Variants in PPHLN1 observed in about 807,000 individuals in gnomAD.
PPHLN1 encodes the protein periphilin-1.
Under a neutral mutation model 51.3 loss-of-function variants are expected in PPHLN1, and 29 were observed. That is an observed-to-expected ratio of 0.57 (90% confidence interval 0.42 to 0.77). PPHLN1 has a LOEUF of 0.77. Ranked by LOEUF, PPHLN1 falls within the 30% of genes least tolerant of loss-of-function variation. The pLI, the probability that PPHLN1 is intolerant of heterozygous loss-of-function variation, is 0.00. For synonymous variants in PPHLN1, 147 were observed against 147.8 expected, an observed-to-expected ratio of 0.99 and a Z score of 0.04; for missense variants, 436 against 438.4, an observed-to-expected ratio of 0.99 and a Z score of 0.05.
chr12:42,347,751 G>T (rs1019007116), intron 2 of PPHLN1, among the ~76,000 whole-genome samples: 1 of 152,224 alleles, frequency 6.6e-6, no homozygotes, highest in African/African-American at 2.4e-5. Flanking sequence ...CCGCACTGTA[G>T]CCTGTGCCGC....
intron 7 of PPHLN1, among the ~76,000 whole-genome samples, chr12:42,392,316 G>A (rs1056784336): frequency 6.6e-6 from 1 of 152,022 alleles, no homozygotes; most frequent in Admixed American, 6.6e-5. Context: ...TTTATGAGTT[G>A]GGATAATAAA....
At chr12:42,362,842 C>G (rs1192176071) in intron 4 of PPHLN1, among the ~76,000 whole-genome samples, 1 of 152,208 alleles carries the variant, frequency 6.6e-6, no homozygotes, top group Non-Finnish European at 1.5e-5. Flanking sequence ...ATGCAAGACC[C>G]TGGTCACTCA....
At chr12:42,442,261 G>A (rs2083023617), downstream of PPHLN1, 1 of 162,098 alleles carries the variant, frequency 6.2e-6, no homozygotes, top group South Asian at 2.0e-4. Flanking sequence ...TTCTTGGAAG[G>A]CTGGGAGGTT....
At chr12:42,346,272 C>T (rs534005087) in intron 2 of PPHLN1, among the ~76,000 whole-genome samples, 12 of 152,134 alleles carry the variant, frequency 7.9e-5, no homozygotes, top group African/African-American at 2.2e-4. Flanking sequence ...TCCTCTATCT[C>T]TGTGTATTTG....
intron 1 of PPHLN1, 57 bp from the exon 2 acceptor site, chr12:42,335,826 C>A: frequency 1.0e-6 from 1 of 982,340 alleles, no homozygotes; most frequent in Non-Finnish European, 1.4e-6. Context: ...TTACTCCTTC[C>A]TTACCTTTTC....
At chr12:42,372,661 T>TC (rs371590989) in intron 4 of PPHLN1, among the ~76,000 whole-genome samples, 1 of 152,180 alleles carries the variant, frequency 6.6e-6, no homozygotes, top group Admixed American at 6.5e-5. Flanking sequence ...GTTCTTTTTT[T>TC]CCTTTGCTTT....
chr12:42,447,773 A>G (rs1348939484), downstream of PPHLN1: 1 of 152,208 alleles, frequency 6.6e-6, no homozygotes, highest in Non-Finnish European at 1.5e-5. Context: ...AAGTAGCAGT[A>G]TGCATAATTT....
intron 1 of PPHLN1, 38 bp from the exon 2 acceptor site, chr12:42,335,845 C>T (rs906387152): frequency 4.1e-6 from 5 of 1,225,878 alleles, no homozygotes; most frequent in Non-Finnish European, 4.5e-6. Context: ...TCTGTTACTT[C>T]CTAGTATAAA....
intron 1 of PPHLN1, among the ~76,000 whole-genome samples, chr12:42,327,225 A>G (rs1037925492): frequency 6.6e-6 from 1 of 151,618 alleles, no homozygotes; most frequent in African/African-American, 2.4e-5. Flanking sequence ...TCCCCATTTA[A>G]CCCCTCAACA....
intron 4 of PPHLN1, among the ~76,000 whole-genome samples, chr12:42,365,877 C>T (rs1331324304): frequency 6.6e-6 from 1 of 152,112 alleles, no homozygotes; most frequent in Non-Finnish European, 1.5e-5. Flanking sequence ...TCTTCAAAGG[C>T]CCTTTTTGAT....
At chr12:42,345,652 TAATA>T (rs1431319820) in intron 2 of PPHLN1, among the ~76,000 whole-genome samples, 4 of 151,062 alleles carry the variant, frequency 2.6e-5, no homozygotes, top group East Asian at 1.9e-4. Flanking sequence ...TAGATATTTT[TAATA>T]AATAGAAGCA....
downstream of PPHLN1, chr12:42,447,068 A>AC (rs1349096764): frequency 6.4e-6 from 1 of 156,428 alleles, no homozygotes. Flanking sequence ...TAAAGCTGGC[A>AC]CTCCCCCAGC....
chr12:42,430,491 T>G (rs557356227), intron 9 of PPHLN1, among the ~76,000 whole-genome samples: 383 of 149,794 alleles, frequency 2.6e-3, no homozygotes, highest in Non-Finnish European at 4.3e-3. Context: ...TATATTCTTT[T>G]TTTGGTTTTG....
intron 4 of PPHLN1, among the ~76,000 whole-genome samples, chr12:42,356,298 G>A (rs1458195757): frequency 1.3e-5 from 2 of 152,206 alleles, no homozygotes; most frequent in African/African-American, 4.8e-5. Flanking sequence ...GATCAGCATT[G>A]TAGTGTAGGT....
intron 5 of PPHLN1, among the ~76,000 whole-genome samples, chr12:42,380,349 C>T (rs2138904099): frequency 6.6e-6 from 1 of 152,098 alleles, no homozygotes. Context: ...TTGGGCCTAG[C>T]TTCCCTTATT....
chr12:42,360,119 A>AAAAAAAAAAAAAAAAG (rs755925900), intron 4 of PPHLN1, among the ~76,000 whole-genome samples: 1 of 150,290 alleles, frequency 6.7e-6, no homozygotes, highest in Non-Finnish European at 1.5e-5. Flanking sequence ...TCAAAAAAAA[A>AAAAAAAAAAAAAAAAG]AAAAGAAAAA....
chr12:42,414,254 G>A (rs906209864), intron 9 of PPHLN1, among the ~76,000 whole-genome samples: 1 of 151,116 alleles, frequency 6.6e-6, no homozygotes, highest in South Asian at 2.1e-4. Flanking sequence ...AGGCTGGTCC[G>A]GAACTCCTGA....
At chr12:42,357,949 C>T (rs2074227384) in intron 4 of PPHLN1, among the ~76,000 whole-genome samples, 1 of 152,158 alleles carries the variant, frequency 6.6e-6, no homozygotes, top group Admixed American at 6.5e-5. Flanking sequence ...TTAGCTTCCA[C>T]TTATTAGTGA....
At chr12:42,342,421 A>T (rs1211464748) in intron 2 of PPHLN1, among the ~76,000 whole-genome samples, 1 of 152,230 alleles carries the variant, frequency 6.6e-6, no homozygotes, top group Non-Finnish European at 1.5e-5. Context: ...TGCCCAGCCC[A>T]GAATGGCTTT....
Sources: gnomAD v4.1 joint callset for allele counts (sites outside exome capture counted in the v4.1 genomes callset) on GRCh38, gnomAD v4.1.1 for gene constraint, MANE v1.5 for transcripts, NCBI Gene and HGNC (gene_info 2026-07-23, HGNC 2026-07-21) for gene names.